Variants in GMDS observed in about 807,000 individuals in gnomAD.
The protein encoded by GMDS is GDP-mannose 4,6 dehydratase.
A neutral mutation model predicts 49.9 loss-of-function variants in GMDS; 20 were observed. The ratio of observed to expected loss-of-function variants is 0.40; its 90% confidence interval spans 0.28 to 0.58. The LOEUF (loss-of-function observed/expected upper bound fraction) is 0.58, where lower values mean the gene tolerates loss of function less well. GMDS is among the 20% of genes least tolerant of loss of function. GMDS has a pLI of 0.42. For missense variants in GMDS, 362 were observed against 481.4 expected, an observed-to-expected ratio of 0.75 and a Z score of 2.32; for synonymous variants, 177 against 178.6, an observed-to-expected ratio of 0.99 and a Z score of 0.07.
chr6:1,974,693 T>G (rs1186158457), intron 4 of GMDS, among the ~76,000 whole-genome samples: 1 of 151,956 alleles, frequency 6.6e-6, no homozygotes, highest in Non-Finnish European at 1.5e-5. Context: ...TAGAACTACA[T>G]GCACTATGAT....
intron 7 of GMDS, among the ~76,000 whole-genome samples, chr6:1,814,432 C>A (rs1404760487): frequency 1.3e-5 from 2 of 151,042 alleles, no homozygotes; most frequent in Non-Finnish European, 3.0e-5. Context: ...TAAGGGCACC[C>A]AGAAAAAAAA....
chr6:2,059,286 T>A (rs1343334475), intron 4 of GMDS, among the ~76,000 whole-genome samples: 1 of 152,002 alleles, frequency 6.6e-6, no homozygotes, highest in East Asian at 1.9e-4. Context: ...CTATTGTTTT[T>A]TTAATTTGAG....
At chr6:2,075,985 A>G (rs1162714763) in intron 4 of GMDS, among the ~76,000 whole-genome samples, 1 of 151,986 alleles carries the variant, frequency 6.6e-6, no homozygotes, top group Non-Finnish European at 1.5e-5. Context: ...TGTGGTTTTG[A>G]TTTGCATTTC....
At chr6:1,712,378 G>A (rs1050420366) in intron 9 of GMDS, among the ~76,000 whole-genome samples, 7 of 152,226 alleles carry the variant, frequency 4.6e-5, no homozygotes, top group African/African-American at 1.4e-4. Context: ...AGTAGAAGAT[G>A]TAAGTAGCTA....
At chr6:1,723,329 ATTTT>A (rs10717511) in intron 9 of GMDS, among the ~76,000 whole-genome samples, 1 of 100,440 alleles carries the variant, frequency 1.0e-5, no homozygotes, top group African/African-American at 4.1e-5. Flanking sequence ...TCTTTATGGC[ATTTT>A]TTTTTTTTTT....
At chr6:2,205,873 G>A (rs1008641134) in intron 1 of GMDS, among the ~76,000 whole-genome samples, 2 of 152,130 alleles carry the variant, frequency 1.3e-5, no homozygotes, top group Non-Finnish European at 2.9e-5. Flanking sequence ...GCTACCACAC[G>A]TGTGTTCTGT....
In GMDS at chr6:1,833,122, A is replaced by G. The variant is rs997499372; in HGVS notation, c.772-90536T>C. On this transcript the variant is annotated intron_variant, in intron 7 of 10. Coordinates refer to ENST00000380815, the MANE Select transcript of GMDS (RefSeq NM_001500.4). This position sits in a 1 kb window ranked among gnomAD's most constrained non-coding sequence, Gnocchi z 4.4. Reference sequence around the variant, plus strand: ...GCTCACCCGGCAGTGGAGCGTATGAAAGCCTTTTTTTTTTTTTTTTTTTTT... The same window carrying G: ...GCTCACCCGGCAGTGGAGCGTATGAGAGCCTTTTTTTTTTTTTTTTTTTTT... Among the ~76,000 whole-genome samples, 1 of 142,390 alleles carries G rather than the reference A, an allele frequency of 7.0e-6. No homozygotes were observed. Among genetic ancestry groups the G allele is most frequent in the Non-Finnish European group, 1.5e-5 (1 of 65,714 alleles). The allele number at this position is 142,390 out of a possible 152,430, so 93.4% of individuals were successfully genotyped here.
chr6:1,661,034 T>C (rs1764054805), intron 9 of GMDS, among the ~76,000 whole-genome samples: 1 of 151,938 alleles, frequency 6.6e-6, no homozygotes, highest in Non-Finnish European at 1.5e-5. Context: ...ATAAAAGATG[T>C]GGCTTGGGTG....
chr6:2,141,560 C>G (rs77151159), intron 1 of GMDS, among the ~76,000 whole-genome samples: 1 of 152,128 alleles, frequency 6.6e-6, no homozygotes, highest in Admixed American at 6.5e-5. Context: ...TTCATAAAAC[C>G]GTGAACGCTG....
At position 2,182,797 on chromosome 6, in the gene GMDS, G is replaced by A. The variant is rs143430125; in HGVS notation, c.103-58066C>T. ...CTAAACTCACTGCATCCTCTACCTC[G>A]CGGGCTCAAGTCATCCTCCCACCTC... On this transcript the variant is annotated intron_variant, in intron 1 of 10. Transcript: ENST00000380815. Among the ~76,000 whole-genome samples the A allele has an allele frequency of 4.6e-4, 70 of 152,214 alleles. No homozygotes were observed. In the East Asian group the frequency reaches 8.5e-3, roughly 18 times the overall value.
chr6:2,130,775 TA>T (rs1187322166), intron 1 of GMDS, among the ~76,000 whole-genome samples: 1 of 151,978 alleles, frequency 6.6e-6, no homozygotes, highest in Admixed American at 6.6e-5. Flanking sequence ...GATTTACATA[TA>T]AAAAATATCA....
chr6:1,751,651 A>G (rs1396977186), intron 7 of GMDS, among the ~76,000 whole-genome samples: 1 of 152,084 alleles, frequency 6.6e-6, no homozygotes, highest in Non-Finnish European at 1.5e-5. Flanking sequence ...ATGCCACCAC[A>G]CACAGCTAAT....
chr6:2,013,893 G>A (rs1455186549), intron 4 of GMDS, among the ~76,000 whole-genome samples: 1 of 133,554 alleles, frequency 7.5e-6, no homozygotes, highest in Non-Finnish European at 1.6e-5. Context: ...AAAAGTCAAG[G>A]AAGCTCAGAG....
chr6:1,877,205 T>C (rs1275733405), intron 7 of GMDS, among the ~76,000 whole-genome samples: 9 of 152,002 alleles, frequency 5.9e-5, no homozygotes, highest in African/African-American at 2.2e-4. Context: ...AGATGTTCAG[T>C]TGAACCACTG....
chr6:2,054,691 C>T lies in GMDS; in HGVS notation c.345+61080G>A, dbSNP rs554600627. On this transcript the variant is annotated intron_variant, in intron 4 of 10. Coordinates refer to ENST00000380815, the MANE Select transcript of GMDS (RefSeq NM_001500.4). ...GACTAAAACAAACGAAGTATGATTT[C>T]AGTTACCACCCATGAGTCTGAGTTT... Among the ~76,000 whole-genome samples the T allele has an allele frequency of 3.0e-4, 45 of 152,056 alleles. No individual in the cohort carries two copies. In the South Asian group the frequency reaches 8.5e-3, roughly 29 times the overall value.
intron 7 of GMDS, among the ~76,000 whole-genome samples, chr6:1,777,167 C>T (rs764496437): frequency 1.8e-4 from 28 of 152,252 alleles, no homozygotes; most frequent in Non-Finnish European, 2.8e-4. Context: ...CTAATCCTCA[C>T]GCCGGCAGTG....
intron 7 of GMDS, among the ~76,000 whole-genome samples, chr6:1,850,399 T>C (rs568999251): frequency 3.5e-4 from 54 of 152,368 alleles, no homozygotes; most frequent in Non-Finnish European, 3.5e-4. Flanking sequence ...TACTGCTTCT[T>C]ATCTGTCAGT....
intron 8 of GMDS, among the ~76,000 whole-genome samples, chr6:1,742,014 C>T (rs1031703611): frequency 3.3e-5 from 5 of 150,726 alleles, no homozygotes; most frequent in Admixed American, 6.6e-5. Context: ...CTCTGCCTCC[C>T]GGGTTCAAGC....
rs948670937 is a variant in GMDS at position 1,807,891 on chromosome 6, C to A, written c.772-65305G>T. ...CACTAACCATGAAAAAAATTATAAA[C>A]TGGACTTCATGACAGATAAAAACTG... On this transcript the variant is annotated intron_variant, in intron 7 of 10. Coordinates refer to ENST00000380815, the MANE Select transcript of GMDS (RefSeq NM_001500.4). Among the ~76,000 whole-genome samples the A allele has an allele frequency of 2.6e-5, 4 of 152,100 alleles. No homozygotes were observed. In the East Asian group the frequency reaches 7.7e-4, roughly 29 times the overall value.
Sources: gnomAD v4.1 joint callset for allele counts (sites outside exome capture counted in the v4.1 genomes callset) on GRCh38, gnomAD v4.1.1 for gene constraint, Gnocchi (gnomAD v3.1) non-coding constraint, MANE v1.5 for transcripts, NCBI Gene and HGNC (gene_info 2026-07-23, HGNC 2026-07-21) for gene names.